OR5B2: variants seen among roughly 807,000 people sequenced by gnomAD.
OR5B2 encodes the protein olfactory receptor 5B2.
For missense variants in OR5B2, 411 were observed against 367.0 expected, an observed-to-expected ratio of 1.12 and a Z score of -0.98; for synonymous variants, 163 against 140.8, an observed-to-expected ratio of 1.16 and a Z score of -1.11.
intron 2 of OR5B2, 22 bp from the exon 3 acceptor site, chr11:58,423,311 C>A: frequency 1.8e-6 from 2 of 1,132,084 alleles, no homozygotes; most frequent in South Asian, 1.6e-5. Flanking sequence ...AGAAATAAAG[C>A]AATAGAGTGA....
At chr11:58,427,589 T>C (rs1855352949) in intron 1 of OR5B2, among the ~76,000 whole-genome samples, 1 of 152,130 alleles carries the variant, frequency 6.6e-6, no homozygotes, top group Admixed American at 6.5e-5. Flanking sequence ...GCAAGTGGTG[T>C]GTAGAGATTC....
chr11:58,427,338 T>C (rs1855349904), intron 1 of OR5B2, among the ~76,000 whole-genome samples: 1 of 152,192 alleles, frequency 6.6e-6, no homozygotes, highest in South Asian at 2.1e-4. Context: ...AAAAGATTCA[T>C]CATTAACTTT....
chr11:58,422,913 C>T lies in OR5B2; in HGVS notation c.349G>A (p.Ala117Thr), dbSNP rs773028151. The T allele has an allele frequency of 3.7e-6, 6 of 1,613,788 alleles. No individual in the cohort carries two copies. The Admixed American group carries it at 6.7e-5, about 18-fold the overall frequency. ...CACACTGCTGCATAGCGGTCATAGGCCATTGAGGCCAACAAGTAATTTTCC... is the reference window on the plus strand; with the variant it reads ...CACACTGCTGCATAGCGGTCATAGGTCATTGAGGCCAACAAGTAATTTTCC... The part of the protein sequence containing the change: ...TVENYLLASM[A>T]YDRYAAVCKP... Residue 117 changes from alanine (A) to threonine (T), a missense_variant, in exon 3 of 3, where the codon GCC (alanine) becomes ACC (threonine). Coordinates refer to ENST00000641342, the MANE Select transcript of OR5B2 (RefSeq NM_001005566.3).
At position 58,422,830 on chromosome 11, in the gene OR5B2, T is replaced by C. The variant is rs760678048; in HGVS notation, c.432A>G (p.Leu144=). Residue 144 remains leucine (L), a synonymous_variant, in exon 3 of 3, where the codon CTA becomes CTG. Coordinates refer to ENST00000641342, the MANE Select transcript of OR5B2 (RefSeq NM_001005566.3). ...MTASVGACLA[L]GSYVCGFLNA... ...TTAGGAAGCCACAGACATATGAGCC[T>C]AGGGCCAGACAGGCACCTACACTGG... 1.2e-6 allele frequency: 2 copies of C among 1,613,660 alleles called. No homozygotes were observed. Among genetic ancestry groups the C allele is most frequent in the Admixed American group, 1.7e-5 (1 of 59,892 alleles).
intron 2 of OR5B2, among the ~76,000 whole-genome samples, chr11:58,425,094 G>A (rs572197904): frequency 6.6e-6 from 1 of 152,008 alleles, no homozygotes; most frequent in East Asian, 1.9e-4. Flanking sequence ...TGAGATTATG[G>A]GGGAAAGGTT....
Position 58,422,467 on chromosome 11 carries a change from GGA to G in OR5B2, c.793_794del (p.Ser265HisfsTer50). The G allele has an allele frequency of 2.5e-6, 4 of 1,613,716 alleles. No homozygotes were observed. The highest frequency in any genetic ancestry group is 3.4e-6 in the Non-Finnish European group (4 of 1,179,806). Reference sequence around the variant, plus strand: ...CAGATGCCATTTTGTCTGTGTCCATGGAGTGGCTGGAGCTGGGCTGCAAGTAG... The same window carrying G: ...CAGATGCCATTTTGTCTGTGTCCATGGTGGCTGGAGCTGGGCTGCAAGTAG... ...FIYLQPSSSH[S>X]MDTDKMASVF... is the part of the protein sequence containing the mutation. On this transcript the variant is annotated frameshift_variant, in exon 3 of 3. Coordinates refer to ENST00000641342, the MANE Select transcript of OR5B2 (RefSeq NM_001005566.3). LOFTEE classifies it low-confidence loss of function (END_TRUNC).
At position 58,421,738 on chromosome 11, in the gene OR5B2, G is replaced by C. The variant is rs758332924; in HGVS notation, c.*594C>G. 4 of 152,134 alleles carry C rather than the reference G, an allele frequency of 2.6e-5. No homozygotes were observed. The highest frequency in any genetic ancestry group is 4.4e-5 in the Non-Finnish European group (3 of 68,022). 9.4% of individuals were successfully genotyped at this position (152,134 alleles called of 1,614,324 possible). On this transcript the variant is annotated 3_prime_UTR_variant, in exon 3 of 3. Transcript: ENST00000641342. ...TCAATTGTAAAAAATGTAGCACTCTGTTGGAGGATATTGACAATGAGGGAG... is the reference window on the plus strand; with the variant it reads ...TCAATTGTAAAAAATGTAGCACTCTCTTGGAGGATATTGACAATGAGGGAG...
chr11:58,422,794 G>T lies in OR5B2; in HGVS notation c.468C>A (p.Phe156Leu), dbSNP rs200888315. 2 of 1,613,778 alleles carry T rather than the reference G, an allele frequency of 1.2e-6. No individual in the cohort carries two copies. The highest frequency in any genetic ancestry group is 1.3e-5 in the African/African-American group (1 of 75,022). The change falls in exon 3 of 3, where the codon TTC becomes TTA. Residue 156 changes from phenylalanine to leucine, a missense_variant. Phe to Leu is a conservative substitution (Grantham distance 22, BLOSUM62 0). Transcript: ENST00000641342. ...AGAGACTGAATATGCCCCCAATGTG[G>T]AATGAGGCATTTAGGAAGCCACAGA... is the stretch of plus-strand genomic sequence containing the variant. The part of the protein sequence containing the change: ...SYVCGFLNAS[F>L]HIGGIFSLSF...
At chr11:58,427,152 A>G (rs1240398782) in intron 1 of OR5B2, among the ~76,000 whole-genome samples, 3 of 152,182 alleles carry the variant, frequency 2.0e-5, no homozygotes, top group Non-Finnish European at 2.9e-5. Context: ...TTGAACGTAC[A>G]TAAAGTTCTC....
chr11:58,426,411 A>G (rs913613666), intron 2 of OR5B2, among the ~76,000 whole-genome samples: 12 of 152,084 alleles, frequency 7.9e-5, no homozygotes, highest in Non-Finnish European at 1.6e-4. Context: ...ACCATCTTCT[A>G]TTATTTGAAT....
rs1724339181 is a variant in OR5B2, at chr11:58,422,258, A to G, written c.*74T>C. The G allele has an allele frequency of 2.3e-6, 2 of 860,882 alleles. No homozygotes were observed. Among genetic ancestry groups the G allele is most frequent in the Non-Finnish European group, 1.9e-6 (1 of 532,960 alleles). The allele number at this position is 860,882 out of a possible 1,614,324, so 53.3% of individuals were successfully genotyped here. On this transcript the variant is annotated 3_prime_UTR_variant, in exon 3 of 3. Transcript: ENST00000641342. The stretch of plus-strand genomic sequence containing the variant: ...AATGTATTGTGGGGTTTCAAATGTA[A>G]CTCATTGCATGAGGAAAGTCTGAGA...
Position 58,422,300 on chromosome 11 carries a change from T to G in OR5B2, c.*32A>C. 7.3e-7 allele frequency: 1 copy of G among 1,371,906 alleles called. No individual in the cohort carries two copies. The highest frequency in any genetic ancestry group is 1.0e-6 in the Non-Finnish European group (1 of 974,562). 85.0% of individuals were successfully genotyped at this position (1,371,906 alleles called of 1,614,324 possible). A position where few individuals can be genotyped will look rare whatever the true frequency, so the allele number is the denominator to read the frequency against. On this transcript the variant is annotated 3_prime_UTR_variant, in exon 3 of 3. Coordinates refer to ENST00000641342, the MANE Select transcript of OR5B2 (RefSeq NM_001005566.3). ...AGTCTGAGATGAGGGAAACAACATT[T>G]TTGTGTATACAACAATGTTAAAATT...
intron 2 of OR5B2, among the ~76,000 whole-genome samples, chr11:58,425,186 GT>G (rs1054751199): frequency 2.5e-4 from 38 of 151,934 alleles, no homozygotes; most frequent in Non-Finnish European, 5.0e-4. Context: ...TGTTATTTTT[GT>G]TTGTTTTACT....
chr11:58,422,345 TG>T lies in OR5B2; in HGVS notation c.916del (p.Gln306LysfsTer43), dbSNP rs749598407. ...AAAATTCCAAACTTATAGAAATTTTTGCCTTCTCAACACTTTCTTGAATGCA... is the reference window on the plus strand; with the variant it reads ...AAAATTCCAAACTTATAGAAATTTTTCCTTCTCAACACTTTCTTGAATGCA... Reference protein sequence around the residue: ...QNAFKKVLRRQKFL With the variant: ...QNAFKKVLRRXKFL On this transcript the variant is annotated frameshift_variant, in exon 3 of 3. Transcript: ENST00000641342. LOFTEE classifies it low-confidence loss of function (END_TRUNC). The T allele has an allele frequency of 6.2e-7, 1 of 1,600,768 alleles. No homozygotes were observed. The highest frequency in any genetic ancestry group is 1.1e-5 in the South Asian group (1 of 90,240).
intron 1 of OR5B2, among the ~76,000 whole-genome samples, chr11:58,427,730 G>A (rs952604712): frequency 3.3e-5 from 5 of 152,280 alleles, no homozygotes; most frequent in South Asian, 4.1e-4. Context: ...CTCCATATGT[G>A]AGAGGGGGAG....
chr11:58,423,224 A>T lies in OR5B2; in HGVS notation c.38T>A (p.Leu13Gln), dbSNP rs1855301510. The change falls in exon 3 of 3, where the codon CTA (leucine) becomes CAA (glutamine). Residue 13 changes from leucine (L) to glutamine (Q), a missense_variant. Physicochemically the swap from Leu to Gln is moderately radical, Grantham distance 113 (BLOSUM62 -2). Coordinates refer to ENST00000641342, the MANE Select transcript of OR5B2 (RefSeq NM_001005566.3). ...TAGTTCTGGGACACTGGTTAGTCCT[A>T]GAAGAATGAACTTTGTCACTTCCGT... ...NCTEVTKFIL[L>Q]GLTSVPELQI... 1 of 1,608,850 alleles carries T rather than the reference A, an allele frequency of 6.2e-7. No individual in the cohort carries two copies. The highest frequency in any genetic ancestry group is 8.5e-7 in the Non-Finnish European group (1 of 1,177,086).
intron 2 of OR5B2, among the ~76,000 whole-genome samples, chr11:58,425,639 G>A (rs1474483890): frequency 6.6e-6 from 1 of 151,976 alleles, no homozygotes. Flanking sequence ...AGGAAAGACA[G>A]AATAAAAAAA....
chr11:58,424,058 C>A (rs1236605853), intron 2 of OR5B2, among the ~76,000 whole-genome samples: 1 of 152,152 alleles, frequency 6.6e-6, no homozygotes, highest in African/African-American at 2.4e-5. Flanking sequence ...TCAGCCCTAC[C>A]ATTTACTGCC....
chr11:58,427,115 A>G (rs1379649046), intron 1 of OR5B2, among the ~76,000 whole-genome samples: 1 of 152,182 alleles, frequency 6.6e-6, no homozygotes, highest in Non-Finnish European at 1.5e-5. Flanking sequence ...GAGACCAATG[A>G]CTGGGAACTA....
Sources: gnomAD v4.1 joint callset for allele counts (sites outside exome capture counted in the v4.1 genomes callset) on GRCh38, gnomAD v4.1.1 for gene constraint, MANE v1.5 for transcripts, NCBI Gene and HGNC (gene_info 2026-07-23, HGNC 2026-07-21) for gene names.